The following GAPVD1 variants were observed in gnomAD, a reference collection of about 807,000 sequenced individuals.
GAPVD1 encodes GTPase-activating protein and VPS9 domain-containing protein 1.
Under a neutral mutation model 155.5 loss-of-function variants are expected in GAPVD1, and 35 were observed. That is an observed-to-expected ratio of 0.23 (90% CI 0.17 to 0.30). The LOEUF (loss-of-function observed/expected upper bound fraction) is 0.30, where lower values mean the gene tolerates loss of function less well. Among genes scored for constraint, GAPVD1 ranks in the 10% least tolerant of loss-of-function variants. The probability of loss-of-function intolerance (pLI) is 1.00; values close to 1 mark genes in which losing one functional copy is unlikely to be tolerated. For synonymous variants in GAPVD1, 636 were observed against 619.7 expected, an observed-to-expected ratio of 1.03 and a Z score of -0.39; for missense variants, 1,429 against 1,775.7, an observed-to-expected ratio of 0.80 and a Z score of 3.51.
At chr9:125,294,652 G>GTT (rs34715258) in intron 2 of GAPVD1, among the ~76,000 whole-genome samples, 2,719 of 135,038 alleles carry the variant, frequency 0.02, 37 homozygotes, top group Middle Eastern at 0.047. Context: ...AGCTAAAATG[G>GTT]TTTTTTTTTT....
chr9:125,352,460 C>G (rs1351791462), intron 23 of GAPVD1, among the ~76,000 whole-genome samples: 1 of 152,252 alleles, frequency 6.6e-6, no homozygotes, highest in Non-Finnish European at 1.5e-5. Flanking sequence ...GGCTTGCACT[C>G]TCTGAAGCCA....
intron 12 of GAPVD1, among the ~76,000 whole-genome samples, chr9:125,328,188 CT>C (rs1243246612): frequency 0.046 from 5,110 of 110,968 alleles, 194 homozygotes; most frequent in Admixed American, 0.11. Context: ...AAATAGATTT[CT>C]TTTTTTTTTT....
Position 125,360,454 on chromosome 9 carries a change from C to T in GAPVD1, c.4045-74C>T, listed in dbSNP as rs528829342. 3.9e-5 allele frequency: 45 copies of T among 1,147,300 alleles called. No individual in the cohort carries two copies. In the East Asian group the frequency reaches 4.5e-4, roughly 11 times the overall value. The allele number at this position is 1,147,300 out of a possible 1,614,324, so 71.1% of individuals were successfully genotyped here. Reference sequence around the variant, plus strand: ...CCACATTATCCTCTGCCTCCTGACACGGAGGTTGCAGTAGTCACTGCGCAG... The same window carrying T: ...CCACATTATCCTCTGCCTCCTGACATGGAGGTTGCAGTAGTCACTGCGCAG... On this transcript the variant is annotated intron_variant, in intron 26 of 27. Coordinates refer to ENST00000297933, the MANE Select transcript of GAPVD1 (RefSeq NM_001282680.3).
chr9:125,310,207 A>G (rs1842463538), intron 8 of GAPVD1, among the ~76,000 whole-genome samples: 1 of 152,190 alleles, frequency 6.6e-6, no homozygotes, highest in Admixed American at 6.5e-5. Context: ...TTAAATTTGC[A>G]ATTCAGTAAA....
At chr9:125,341,040 G>C in intron 17 of GAPVD1, 137 bp from the exon 18 acceptor site, 1 of 650,674 alleles carries the variant, frequency 1.5e-6, no homozygotes, top group Non-Finnish European at 2.8e-6. Context: ...AGCTGTGATT[G>C]TGCTACTGCA....
intron 21 of GAPVD1, 86 bp from the exon 22 acceptor site, chr9:125,350,209 G>C (rs1849104151): frequency 5.2e-6 from 4 of 776,386 alleles, no homozygotes; most frequent in Non-Finnish European, 8.4e-6. Context: ...TGAGTCCTAA[G>C]GTAACATTAA....
At position 125,299,004 on chromosome 9, in the gene GAPVD1, A is replaced by G; in HGVS notation, c.83A>G (p.Gln28Arg). Residue 28 changes from glutamine to arginine, a missense_variant, in exon 4 of 28, where the codon CAG becomes CGG. Physicochemically the swap from Gln to Arg is conservative, Grantham distance 43. This residue lies in a region of GAPVD1 where 628 missense variants were observed against 733.4 expected (regional missense o/e 0.86). Transcript: ENST00000297933. ...GTAAACTCTGAGAAACAGCTCATTC[A>G]GAGGCTCAATGCAGATGTACTTAAG... is the stretch of plus-strand genomic sequence containing the variant. The part of the protein sequence containing the change: ...LYVNSEKQLI[Q>R]RLNADVLKTA... 1.2e-6 allele frequency: 2 copies of G among 1,611,354 alleles called. No homozygotes were observed. The highest frequency in any genetic ancestry group is 1.1e-5 in the South Asian group (1 of 91,012).
At chr9:125,289,589 A>AAGGCCGTC (rs1303928913) in intron 2 of GAPVD1, among the ~76,000 whole-genome samples, 3 of 152,120 alleles carry the variant, frequency 2.0e-5, no homozygotes, top group African/African-American at 7.2e-5. Flanking sequence ...TGAGATGGGA[A>AAGGCCGTC]AGGCCGTCTT....
chr9:125,332,930 G>T (rs1846293590), intron 15 of GAPVD1, among the ~76,000 whole-genome samples: 1 of 152,104 alleles, frequency 6.6e-6, no homozygotes, highest in African/African-American at 2.4e-5. Flanking sequence ...AAAGTGGAAT[G>T]GCTAAATAAT....
intron 1 of GAPVD1, among the ~76,000 whole-genome samples, chr9:125,264,447 G>T (rs1159460373): frequency 2.0e-5 from 3 of 152,040 alleles, no homozygotes; most frequent in African/African-American, 7.2e-5. Context: ...TGCCTGCCTC[G>T]GACTCCCAAA....
chr9:125,299,610 G>T (rs1298879572), intron 4 of GAPVD1, among the ~76,000 whole-genome samples: 10 of 151,396 alleles, frequency 6.6e-5, no homozygotes, highest in Non-Finnish European at 1.0e-4. Flanking sequence ...GGCCGAGATT[G>T]TGCCACTGCA....
intron 1 of GAPVD1, among the ~76,000 whole-genome samples, chr9:125,262,411 A>G (rs1320865993): frequency 6.6e-6 from 1 of 152,188 alleles, no homozygotes; most frequent in African/African-American, 2.4e-5. Context: ...AGCCCACCTA[A>G]CACAGACACT....
intron 15 of GAPVD1, among the ~76,000 whole-genome samples, chr9:125,336,352 T>A (rs2131959765): frequency 6.6e-6 from 1 of 151,848 alleles, no homozygotes; most frequent in South Asian, 2.1e-4. Flanking sequence ...AGATTAATAA[T>A]TTTTTTATGT....
chr9:125,286,903 G>A (rs1837793514), intron 2 of GAPVD1, among the ~76,000 whole-genome samples: 1 of 151,970 alleles, frequency 6.6e-6, no homozygotes, highest in Non-Finnish European at 1.5e-5. Context: ...GGCCAACGTG[G>A]CAAAACCCCG....
At chr9:125,342,556 C>G (rs1847968525) in intron 19 of GAPVD1, among the ~76,000 whole-genome samples, 1 of 152,180 alleles carries the variant, frequency 6.6e-6, no homozygotes, top group Non-Finnish European at 1.5e-5. Context: ...TCCTGAGCCT[C>G]TAGGCATACC....
intron 8 of GAPVD1, 152 bp downstream of exon 8, chr9:125,308,032 A>G: frequency 4.7e-6 from 3 of 640,328 alleles, no homozygotes; most frequent in Non-Finnish European, 8.3e-6. Context: ...TAGAAATCGT[A>G]TCAGATTAGT....
intron 1 of GAPVD1, among the ~76,000 whole-genome samples, chr9:125,265,061 A>G (rs1368954390): frequency 2.0e-5 from 3 of 152,128 alleles, no homozygotes; most frequent in Non-Finnish European, 2.9e-5. Context: ...TCCCAGCACT[A>G]TGTTGTGCTT....
chr9:125,293,888 A>ATATAAATATATTT (rs1564312388), intron 2 of GAPVD1, among the ~76,000 whole-genome samples: 9 of 104,992 alleles, frequency 8.6e-5, no homozygotes, highest in African/African-American at 3.0e-4. Context: ...ATATATATAT[A>ATATAAATATATTT]TATATATATA....
At chr9:125,327,492 GT>G (rs1053631728) in intron 12 of GAPVD1, among the ~76,000 whole-genome samples, 1 of 150,962 alleles carries the variant, frequency 6.6e-6, no homozygotes, top group Admixed American at 6.6e-5. Context: ...TAACCAATAG[GT>G]TTTTTTTTGT....
Sources: allele counts gnomAD v4.1 joint callset (sites outside exome capture counted in the v4.1 genomes callset), GRCh38; gene constraint gnomAD v4.1.1; regional missense constraint gnomAD v4.1.1; transcripts MANE v1.5; gene names NCBI Gene and HGNC (gene_info 2026-07-23, HGNC 2026-07-21).